The following KRTAP5-11 variants were observed in gnomAD, a reference collection of about 807,000 sequenced individuals.
The protein encoded by KRTAP5-11 is keratin-associated protein 5-11.
For missense variants in KRTAP5-11, 202 were observed against 188.7 expected, an observed-to-expected ratio of 1.07 and a Z score of -0.41; for synonymous variants, 88 against 73.0, an observed-to-expected ratio of 1.21 and a Z score of -1.05.
Position 71,582,580 on chromosome 11 carries a change from G to A in KRTAP5-11, c.258C>T (p.Asn86=), listed in dbSNP as rs749591781. Reference sequence around the variant, plus strand: ...AGGAGGAGCAGCAGGGCTTACAGCAGTTGGACTGGGAGCAGCCACAAGAAC... The same window carrying A: ...AGGAGGAGCAGCAGGGCTTACAGCAATTGGACTGGGAGCAGCCACAAGAAC... ...GCGSCGCSQS[N]CCKPCCSSSG... is the part of the protein sequence containing the mutation. Residue 86 remains asparagine (N), a synonymous_variant, in exon 1 of 1, where the codon AAC becomes AAT. Transcript: ENST00000398530. 5.6e-6 allele frequency: 9 copies of A among 1,613,768 alleles called. No individual in the cohort carries two copies. The African/African-American group carries it at 8.0e-5, about 14-fold the overall frequency.
At position 71,582,048 on chromosome 11, in the gene KRTAP5-11, G is replaced by A. The variant is rs1037047616; in HGVS notation, c.*319C>T. Reference sequence around the variant, plus strand: ...TTCTTAGTGATCACTCAGGAATGTCGGCCTGGCCTTGTGGGGTCAGACCTA... The same window carrying A: ...TTCTTAGTGATCACTCAGGAATGTCAGCCTGGCCTTGTGGGGTCAGACCTA... On this transcript the variant is annotated 3_prime_UTR_variant, in exon 1 of 1. Transcript: ENST00000398530. The A allele has an allele frequency of 3.8e-5, 18 of 477,584 alleles. No individual in the cohort carries two copies. The highest frequency in any genetic ancestry group is 5.9e-4 in the Middle Eastern group (1 of 1,708). 29.6% of individuals were successfully genotyped at this position (477,584 alleles called of 1,614,324 possible).
In KRTAP5-11 at chr11:71,582,512, G is replaced by A. The variant is rs201960928; in HGVS notation, c.326C>T (p.Pro109Leu). 4.6e-4 allele frequency: 742 copies of A among 1,613,718 alleles called. 2 individuals carry two copies. Among genetic ancestry groups the A allele is most frequent in the Non-Finnish European group, 5.7e-4 (676 of 1,179,916 alleles). ...SFCCQSSCSKPCCCQSSCCQS... is the reference protein window; with the variant it reads ...SFCCQSSCSKLCCCQSSCCQS... ...GCAGCAGCTGGATTGGCAGCAGCAG[G>A]GTTTGGAGCAGCTGGACTGGCAGCA... Residue 109 changes from proline (P) to leucine (L), a missense_variant, in exon 1 of 1, where the codon CCC (proline) becomes CTC (leucine). Transcript: ENST00000398530.
At position 71,582,614 on chromosome 11, in the gene KRTAP5-11, C is replaced by T; in HGVS notation, c.224G>A (p.Gly75Asp). The change falls in exon 1 of 1, where the codon GGT becomes GAT. Residue 75 changes from glycine to aspartate, a missense_variant. Transcript: ENST00000398530. ...GGCGSCGSSK[G>D]GCGSCGCSQS... is the part of the protein sequence containing the mutation. ...GGAGCAGCCACAAGAACCACACCCA[C>T]CCTTGGAGCTCCCACAAGAGCCACA... 2 of 1,614,104 alleles carry T rather than the reference C, an allele frequency of 1.2e-6. No homozygotes were observed. The highest frequency in any genetic ancestry group is 1.7e-4 in the Middle Eastern group (1 of 6,020).
In KRTAP5-11 at chr11:71,582,693, C is replaced by T; in HGVS notation, c.145G>A (p.Val49Met). The part of the protein sequence containing the change: ...ICCCKPVCCC[V>M]PACSCSSCGS... ...CAGCTGGAGCAGGAACAGGCTGGCA[C>T]ACAGCAGCACACAGGCTTGCAGCAG... The change falls in exon 1 of 1, where the codon GTG (valine) becomes ATG (methionine). Residue 49 changes from valine to methionine, a missense_variant. Physicochemically the swap from Val to Met is conservative, Grantham distance 21 (BLOSUM62 1). Transcript: ENST00000398530. The T allele has an allele frequency of 1.2e-6, 2 of 1,613,524 alleles. No homozygotes were observed. The highest frequency in any genetic ancestry group is 1.1e-5 in the South Asian group (1 of 91,036).
chr11:71,581,959 G>A lies in KRTAP5-11; in HGVS notation c.*408C>T, dbSNP rs546446044. ...AAGGAGACCTTCTTGCTCACAGGTG[G>A]GTCACAGGAGAACAGGCAGCAGCCC... On this transcript the variant is annotated 3_prime_UTR_variant, in exon 1 of 1. Transcript: ENST00000398530. The A allele has an allele frequency of 3.7e-4, 96 of 261,980 alleles. No homozygotes were observed. The Middle Eastern group carries it at 6.9e-3, about 19-fold the overall frequency. The allele number at this position is 261,980 out of a possible 1,614,324, so 16.2% of individuals were successfully genotyped here. A position where few individuals can be genotyped will look rare whatever the true frequency, so the allele number is the denominator to read the frequency against.
chr11:71,582,716 C>G lies in KRTAP5-11; in HGVS notation c.122G>C (p.Cys41Ser), dbSNP rs753970695. The change falls in exon 1 of 1, where the codon TGC becomes TCC. Residue 41 changes from cysteine (C) to serine (S), a missense_variant. By Grantham distance (112) the Cys-to-Ser change is moderately radical (BLOSUM62 -1). Transcript: ENST00000398530. ...CGSSCCVPICCCKPVCCCVPA... is the reference protein window; with the variant it reads ...CGSSCCVPICSCKPVCCCVPA... ...CACACAGCAGCACACAGGCTTGCAGCAGCAAATGGGCACACAGCAGCTGGA... is the reference window on the plus strand; with the variant it reads ...CACACAGCAGCACACAGGCTTGCAGGAGCAAATGGGCACACAGCAGCTGGA... 3.1e-6 allele frequency: 5 copies of G among 1,612,568 alleles called. No homozygotes were observed. The highest frequency in any genetic ancestry group is 3.4e-6 in the Non-Finnish European group (4 of 1,179,742).
chr11:71,581,961 T>C lies in KRTAP5-11; in HGVS notation c.*406A>G. The C allele has an allele frequency of 3.8e-6, 1 of 261,276 alleles. No individual in the cohort carries two copies. Among genetic ancestry groups the C allele is most frequent in the Non-Finnish European group, 7.4e-6 (1 of 135,768 alleles). The allele number at this position is 261,276 out of a possible 1,614,324, so 16.2% of individuals were successfully genotyped here. A position where few individuals can be genotyped will look rare whatever the true frequency, so the allele number is the denominator to read the frequency against. On this transcript the variant is annotated 3_prime_UTR_variant, in exon 1 of 1. Transcript: ENST00000398530. ...GGAGACCTTCTTGCTCACAGGTGGGTCACAGGAGAACAGGCAGCAGCCCAG... is the reference window on the plus strand; with the variant it reads ...GGAGACCTTCTTGCTCACAGGTGGGCCACAGGAGAACAGGCAGCAGCCCAG...
chr11:71,582,421 G>A lies in KRTAP5-11; in HGVS notation c.417C>T (p.Pro139=). The A allele has an allele frequency of 6.2e-7, 1 of 1,614,092 alleles. No individual in the cohort carries two copies. The highest frequency in any genetic ancestry group is 1.1e-5 in the South Asian group (1 of 91,066). The change falls in exon 1 of 1, where the codon CCC becomes CCT. Residue 139 remains proline (P), a synonymous_variant. Coordinates refer to ENST00000398530, the MANE Select transcript of KRTAP5-11 (RefSeq NM_001005405.3). ...SSCCQSSCFK[P]CCCQSSCCVP... ...CACAGCAGCTGGACTGGCAGCAGCA[G>A]GGCTTGAAGCAGCTAGACTGGCAGC... is the stretch of plus-strand genomic sequence containing the variant.
At position 71,582,595 on chromosome 11, in the gene KRTAP5-11, G is replaced by A; in HGVS notation, c.243C>T (p.Gly81=). 2 of 1,614,104 alleles carry A rather than the reference G, an allele frequency of 1.2e-6. No homozygotes were observed. The highest frequency in any genetic ancestry group is 8.5e-7 in the Non-Finnish European group (1 of 1,179,984). ...GCTTACAGCAGTTGGACTGGGAGCA[G>A]CCACAAGAACCACACCCACCCTTGG... is the stretch of plus-strand genomic sequence containing the variant. ...GSSKGGCGSC[G]CSQSNCCKPC... is the part of the protein sequence containing the mutation. Residue 81 remains glycine, a synonymous_variant, in exon 1 of 1, where the codon GGC becomes GGT. Coordinates refer to ENST00000398530, the MANE Select transcript of KRTAP5-11 (RefSeq NM_001005405.3).
Position 71,582,302 on chromosome 11 carries a change from T to C in KRTAP5-11, c.*65A>G. The stretch of plus-strand genomic sequence containing the variant: ...CAGGATGATGTGTGGGATGAACTGA[T>C]TCAGAGAAACCATAAGAAATGCTTT... On this transcript the variant is annotated 3_prime_UTR_variant, in exon 1 of 1. Transcript: ENST00000398530. 3 of 1,610,302 alleles carry C rather than the reference T, an allele frequency of 1.9e-6. No individual in the cohort carries two copies. Among genetic ancestry groups the C allele is most frequent in the Non-Finnish European group, 2.5e-6 (3 of 1,177,552 alleles).
chr11:71,582,139 G>C lies in KRTAP5-11; in HGVS notation c.*228C>G. 1 of 902,564 alleles carries C rather than the reference G, an allele frequency of 1.1e-6. No individual in the cohort carries two copies. The allele number at this position is 902,564 out of a possible 1,614,324, so 55.9% of individuals were successfully genotyped here. ...ACCCAAGTGCAGGGAACACCATGGCGTCCAGGGAAGAACACCTCCTGCATC... is the reference window on the plus strand; with the variant it reads ...ACCCAAGTGCAGGGAACACCATGGCCTCCAGGGAAGAACACCTCCTGCATC... On this transcript the variant is annotated 3_prime_UTR_variant, in exon 1 of 1. Coordinates refer to ENST00000398530, the MANE Select transcript of KRTAP5-11 (RefSeq NM_001005405.3).
At position 71,582,324 on chromosome 11, in the gene KRTAP5-11, C is replaced by A. The variant is rs763619388; in HGVS notation, c.*43G>T. Reference sequence around the variant, plus strand: ...TGATTCAGAGAAACCATAAGAAATGCTTTCACCAAAGAGGAGAAACCTGAA... The same window carrying A: ...TGATTCAGAGAAACCATAAGAAATGATTTCACCAAAGAGGAGAAACCTGAA... On this transcript the variant is annotated 3_prime_UTR_variant, in exon 1 of 1. Transcript: ENST00000398530. 6.2e-7 allele frequency: 1 copy of A among 1,613,352 alleles called. No homozygotes were observed. Among genetic ancestry groups the A allele is most frequent in the South Asian group, 1.1e-5 (1 of 91,034 alleles).
At position 71,582,449 on chromosome 11, in the gene KRTAP5-11, C is replaced by G; in HGVS notation, c.389G>C (p.Ser130Thr). 1.2e-6 allele frequency: 2 copies of G among 1,613,158 alleles called. No individual in the cohort carries two copies. The highest frequency in any genetic ancestry group is 1.7e-6 in the Non-Finnish European group (2 of 1,179,342). The change falls in exon 1 of 1, where the codon AGC (serine) becomes ACC (threonine). Residue 130 changes from serine (S) to threonine (T), a missense_variant. Coordinates refer to ENST00000398530, the MANE Select transcript of KRTAP5-11 (RefSeq NM_001005405.3). ...CTTGAAGCAGCTAGACTGGCAGCAGCTGGATTGGCAGCAGCAGGGCTTGCA... is the reference window on the plus strand; with the variant it reads ...CTTGAAGCAGCTAGACTGGCAGCAGGTGGATTGGCAGCAGCAGGGCTTGCA... ...SCCKPCCCQS[S>T]CCQSSCFKPC...
At position 71,582,145 on chromosome 11, in the gene KRTAP5-11, G is replaced by T; in HGVS notation, c.*222C>A. On this transcript the variant is annotated 3_prime_UTR_variant, in exon 1 of 1. Coordinates refer to ENST00000398530, the MANE Select transcript of KRTAP5-11 (RefSeq NM_001005405.3). ...GTGCAGGGAACACCATGGCGTCCAG[G>T]GAAGAACACCTCCTGCATCAAGGAA... 2 of 963,756 alleles carry T rather than the reference G, an allele frequency of 2.1e-6. No individual in the cohort carries two copies. Among genetic ancestry groups the T allele is most frequent in the Non-Finnish European group, 3.0e-6 (2 of 656,720 alleles). 59.7% of individuals were successfully genotyped at this position (963,756 alleles called of 1,614,324 possible). A position where few individuals can be genotyped will look rare whatever the true frequency, so the allele number is the denominator to read the frequency against.
rs1394857648 is a variant in KRTAP5-11, at chr11:71,582,089, C to G, written c.*278G>C. On this transcript the variant is annotated 3_prime_UTR_variant, in exon 1 of 1. Transcript: ENST00000398530. ...GTCAGACCTAGCATCTCAGTCAGCC[C>G]AGGGAGAAGAAGAAGATGGTCCACA... The G allele has an allele frequency of 6.5e-6, 4 of 615,362 alleles. No individual in the cohort carries two copies. The highest frequency in any genetic ancestry group is 3.3e-5 in the East Asian group (1 of 30,314). 38.1% of individuals were successfully genotyped at this position (615,362 alleles called of 1,614,324 possible).
chr11:71,582,595 G>C lies in KRTAP5-11; in HGVS notation c.243C>G (p.Gly81=). The part of the protein sequence containing the change: ...GSSKGGCGSC[G]CSQSNCCKPC... ...GCTTACAGCAGTTGGACTGGGAGCA[G>C]CCACAAGAACCACACCCACCCTTGG... is the stretch of plus-strand genomic sequence containing the variant. The change falls in exon 1 of 1, where the codon GGC becomes GGG. Residue 81 remains glycine, a synonymous_variant. Coordinates refer to ENST00000398530, the MANE Select transcript of KRTAP5-11 (RefSeq NM_001005405.3). 6.2e-7 allele frequency: 1 copy of C among 1,614,104 alleles called. No individual in the cohort carries two copies. The highest frequency in any genetic ancestry group is 8.5e-7 in the Non-Finnish European group (1 of 1,179,984).
Position 71,582,759 on chromosome 11 carries a change from C to T in KRTAP5-11, c.79G>A (p.Gly27Ser), listed in dbSNP as rs777526990. Reference protein sequence around the residue: ...CGSGSGGCGSGCGGCGSSCCV... With the variant: ...CGSGSGGCGSSCGGCGSSCCV... ...CAGCTGGAGCCACAGCCCCCACAGCCAGAGCCACAGCCCCCACTGCCGGAG... is the reference window on the plus strand; with the variant it reads ...CAGCTGGAGCCACAGCCCCCACAGCTAGAGCCACAGCCCCCACTGCCGGAG... Residue 27 changes from glycine (G) to serine (S), a missense_variant, in exon 1 of 1, where the codon GGC (glycine) becomes AGC (serine). By Grantham distance (56) the Gly-to-Ser change is moderately conservative (BLOSUM62 0). Coordinates refer to ENST00000398530, the MANE Select transcript of KRTAP5-11 (RefSeq NM_001005405.3). 1.3e-6 allele frequency: 2 copies of T among 1,529,662 alleles called. No homozygotes were observed. The highest frequency in any genetic ancestry group is 4.0e-5 in the African/African-American group (2 of 50,172). The allele number at this position is 1,529,662 out of a possible 1,614,324, so 94.8% of individuals were successfully genotyped here.
rs200214300 is a variant in KRTAP5-11 at position 71,582,776 on chromosome 11, C to A, written c.62G>T (p.Ser21Ile). The change falls in exon 1 of 1, where the codon AGT becomes ATT. Residue 21 changes from serine to isoleucine, a missense_variant. Transcript: ENST00000398530. ...GSGCGGCGSGSGGCGSGCGGC... is the reference protein window; with the variant it reads ...GSGCGGCGSGIGGCGSGCGGC... ...CCCACAGCCAGAGCCACAGCCCCCA[C>A]TGCCGGAGCCACAGCCCCCACAGCC... 5 of 1,529,458 alleles carry A rather than the reference C, an allele frequency of 3.3e-6. No homozygotes were observed. Among genetic ancestry groups the A allele is most frequent in the African/African-American group, 2.0e-5 (1 of 50,252 alleles). 94.7% of individuals were successfully genotyped at this position (1,529,458 alleles called of 1,614,324 possible). A position where few individuals can be genotyped will look rare whatever the true frequency, so the allele number is the denominator to read the frequency against.
rs1950274401 is a variant in KRTAP5-11 at position 71,582,448 on chromosome 11, G to A, written c.390C>T (p.Ser130=). The A allele has an allele frequency of 1.2e-6, 2 of 1,613,266 alleles. No individual in the cohort carries two copies. The highest frequency in any genetic ancestry group is 8.5e-7 in the Non-Finnish European group (1 of 1,179,418). The part of the protein sequence containing the change: ...SCCKPCCCQS[S]CCQSSCFKPC... ...GCTTGAAGCAGCTAGACTGGCAGCA[G>A]CTGGATTGGCAGCAGCAGGGCTTGC... The change falls in exon 1 of 1, where the codon AGC becomes AGT. Residue 130 remains serine (S), a synonymous_variant. Transcript: ENST00000398530.
Sources: gnomAD v4.1 joint callset for allele counts on GRCh38, gnomAD v4.1.1 for gene constraint, MANE v1.5 for transcripts, NCBI Gene and HGNC (gene_info 2026-07-23, HGNC 2026-07-21) for gene names.